CCDC85A: variants seen among roughly 807,000 people sequenced by gnomAD.
The protein encoded by CCDC85A is coiled-coil domain containing 85A.
CCDC85A carries 38 observed loss-of-function variants against 50.2 expected under a neutral mutation model. The ratio of observed to expected loss-of-function variants is 0.76; its 90% confidence interval spans 0.58 to 0.99. The LOEUF (loss-of-function observed/expected upper bound fraction) is 0.99, where lower values mean the gene tolerates loss of function less well. CCDC85A is among the 50% of genes least tolerant of loss of function. The pLI, the probability that CCDC85A is intolerant of heterozygous loss-of-function variation, is 0.00. For missense variants in CCDC85A, 820 were observed against 742.0 expected (o/e 1.11, Z -1.22); for synonymous variants, 366 against 301.4 (o/e 1.21, Z -2.22).
chr2:56,369,266 G>A (rs1001808247), intron 3 of CCDC85A, among the ~76,000 whole-genome samples: 5 of 151,974 alleles, frequency 3.3e-5, no homozygotes, highest in African/African-American at 4.8e-5. Context: ...TGAGCAATAA[G>A]GGAAAGATAA....
chr2:56,192,512 A>G lies in CCDC85A; in HGVS notation c.312A>G (p.Glu104=), dbSNP rs767522406. The part of the protein sequence containing the change: ...INQKLQEDNQ[E]LRDLCCFLDD... ...AGAAACTCCAGGAAGACAACCAGGA[A>G]CTGAGGGACCTCTGCTGTTTCCTGG... Residue 104 remains glutamate (E), a synonymous_variant, in exon 2 of 6, where the codon GAA becomes GAG. Coordinates refer to ENST00000407595, the MANE Select transcript of CCDC85A (RefSeq NM_001080433.2). The surrounding 1 kb of genome is among the most constrained non-coding windows in gnomAD (Gnocchi z 4.7). 6.2e-7 allele frequency: 1 copy of G among 1,613,612 alleles called. No individual in the cohort carries two copies. Among genetic ancestry groups the G allele is most frequent in the South Asian group, 1.1e-5 (1 of 91,042 alleles).
chr2:56,269,600 G>T (rs1670609867), intron 2 of CCDC85A, among the ~76,000 whole-genome samples: 1 of 152,062 alleles, frequency 6.6e-6, no homozygotes, highest in Non-Finnish European at 1.5e-5. Flanking sequence ...CAGAGAAAGG[G>T]TATGGCACTT....
chr2:56,231,171 A>T (rs921768379), intron 2 of CCDC85A, among the ~76,000 whole-genome samples: 1 of 152,216 alleles, frequency 6.6e-6, no homozygotes, highest in Non-Finnish European at 1.5e-5. Flanking sequence ...AACTAGCATG[A>T]CATTCTCTCA....
chr2:56,301,371 C>G (rs1672194973), intron 2 of CCDC85A, among the ~76,000 whole-genome samples: 1 of 152,074 alleles, frequency 6.6e-6, no homozygotes, highest in South Asian at 2.1e-4. Flanking sequence ...TTCTTACCAC[C>G]TGTGACAGAA....
intron 2 of CCDC85A, among the ~76,000 whole-genome samples, chr2:56,315,672 T>TAGTGGCAG: frequency 6.6e-6 from 1 of 152,110 alleles, no homozygotes; most frequent in East Asian, 1.9e-4. Context: ...CAGGCTGATT[T>TAGTGGCAG]AGTCAGTGGG....
chr2:56,216,414 A>T (rs1677395281), intron 2 of CCDC85A, among the ~76,000 whole-genome samples: 1 of 151,782 alleles, frequency 6.6e-6, no homozygotes, highest in Admixed American at 6.6e-5. Context: ...ACTACTTAAA[A>T]TTTTTTGCCA....
Position 56,385,331 on chromosome 2 carries a change from AAAC to A in CCDC85A, c.*977_*979del, listed in dbSNP as rs1413489849. ...TACTGCAGCTATCTAACATTTTATGAAACTGACGCATGTCCTTCATTATTGAGG... is the reference window on the plus strand; with the variant it reads ...TACTGCAGCTATCTAACATTTTATGATGACGCATGTCCTTCATTATTGAGG... On this transcript the variant is annotated 3_prime_UTR_variant, in exon 6 of 6. Coordinates refer to ENST00000407595, the MANE Select transcript of CCDC85A (RefSeq NM_001080433.2). 12 of 152,406 alleles carry A rather than the reference AAAC, an allele frequency of 7.9e-5. No homozygotes were observed. In the East Asian group the frequency reaches 2.3e-3, roughly 30 times the overall value. 9.4% of individuals were successfully genotyped at this position (152,406 alleles called of 1,614,324 possible). A position where few individuals can be genotyped will look rare whatever the true frequency, so the allele number is the denominator to read the frequency against.
At chr2:56,367,759 A>G (rs1185671433) in intron 3 of CCDC85A, among the ~76,000 whole-genome samples, 1 of 152,206 alleles carries the variant, frequency 6.6e-6, no homozygotes, top group East Asian at 1.9e-4. Context: ...ACATAAATTG[A>G]CAAGTTATAA....
chr2:56,297,944 A>T (rs956857703), intron 2 of CCDC85A, among the ~76,000 whole-genome samples: 10 of 152,162 alleles, frequency 6.6e-5, no homozygotes, highest in Admixed American at 3.9e-4. Flanking sequence ...TTGAGACACC[A>T]TGATCTGCCA....
At chr2:56,223,025 C>T in intron 2 of CCDC85A, among the ~76,000 whole-genome samples, 1 of 152,040 alleles carries the variant, frequency 6.6e-6, no homozygotes, top group South Asian at 2.1e-4. Context: ...CGCGTAAGTG[C>T]CAAGGTTTTC....
chr2:56,192,759 A>G lies in CCDC85A; in HGVS notation c.559A>G (p.Ile187Val), dbSNP rs1229512789. The change falls in exon 2 of 6, where the codon ATC (isoleucine) becomes GTC (valine). Residue 187 changes from isoleucine (I) to valine (V), a missense_variant. Coordinates refer to ENST00000407595, the MANE Select transcript of CCDC85A (RefSeq NM_001080433.2). This position sits in a 1 kb window ranked among gnomAD's most constrained non-coding sequence, Gnocchi z 4.7. ...GAGCAGSRCS[I>V]DSQASLCQLT... Reference sequence around the variant, plus strand: ...AGGCTGCGCAGGCAGCCGCTGCTCCATCGACAGCCAGGCCAGCCTGTGCCA... The same window carrying G: ...AGGCTGCGCAGGCAGCCGCTGCTCCGTCGACAGCCAGGCCAGCCTGTGCCA... 3.7e-6 allele frequency: 6 copies of G among 1,612,838 alleles called. No individual in the cohort carries two copies. Among genetic ancestry groups the G allele is most frequent in the Non-Finnish European group, 5.1e-6 (6 of 1,179,590 alleles).
rs545866925 is a variant in CCDC85A, at chr2:56,374,460, A to C, written c.1453-1356A>C. Among the ~76,000 whole-genome samples the C allele has an allele frequency of 3.3e-4, 50 of 152,344 alleles. 1 individual carries two copies. The South Asian group carries it at 7.3e-3, about 22-fold the overall frequency. The stretch of plus-strand genomic sequence containing the variant: ...ATAAAGCATGGTTTACATGTAATCC[A>C]TACCTATAATTGCTGGGTGCAGTTT... On this transcript the variant is annotated intron_variant, in intron 4 of 5. Coordinates refer to ENST00000407595, the MANE Select transcript of CCDC85A (RefSeq NM_001080433.2).
chr2:56,215,554 C>T (rs1422285353), intron 2 of CCDC85A, among the ~76,000 whole-genome samples: 1 of 149,270 alleles, frequency 6.7e-6, no homozygotes, highest in Non-Finnish European at 1.5e-5. Context: ...AGGAAGTTCC[C>T]TTCTATTCCT....
chr2:56,233,537 G>A (rs1315896884), intron 2 of CCDC85A, among the ~76,000 whole-genome samples: 1 of 151,948 alleles, frequency 6.6e-6, no homozygotes, highest in Non-Finnish European at 1.5e-5. Context: ...TAAATGAATG[G>A]GTATGACTGT....
At chr2:56,188,853 C>G (rs1676163859) in intron 1 of CCDC85A, among the ~76,000 whole-genome samples, 1 of 152,220 alleles carries the variant, frequency 6.6e-6, no homozygotes, top group Middle Eastern at 3.2e-3. Context: ...TGAGTGTCCA[C>G]TGTATGCAAG....
intron 2 of CCDC85A, among the ~76,000 whole-genome samples, chr2:56,320,908 C>T (rs1345072002): frequency 6.6e-6 from 1 of 152,002 alleles, no homozygotes; most frequent in Non-Finnish European, 1.5e-5. Flanking sequence ...ACTGGCAAAC[C>T]GAATCCAGCA....
intron 2 of CCDC85A, among the ~76,000 whole-genome samples, chr2:56,322,382 G>T (rs555373434): frequency 6.6e-6 from 1 of 152,216 alleles, no homozygotes; most frequent in Admixed American, 6.5e-5. Context: ...GAAAATTTTT[G>T]CAATCTACTC....
chr2:56,204,244 G>C (rs1321147492), intron 2 of CCDC85A, among the ~76,000 whole-genome samples: 1 of 152,042 alleles, frequency 6.6e-6, no homozygotes, highest in East Asian at 1.9e-4. Context: ...ATTTACTAAA[G>C]GGCAATCTTT....
intron 2 of CCDC85A, among the ~76,000 whole-genome samples, chr2:56,311,730 A>G (rs541530355): frequency 1.3e-5 from 2 of 152,272 alleles, no homozygotes; most frequent in South Asian, 4.1e-4. Context: ...TCCCAAATGT[A>G]GCAATATAAT....
Sources: allele counts gnomAD v4.1 joint callset (sites outside exome capture counted in the v4.1 genomes callset), GRCh38; gene constraint gnomAD v4.1.1; non-coding constraint Gnocchi (gnomAD v3.1); transcripts MANE v1.5; gene names NCBI Gene and HGNC (gene_info 2026-07-23, HGNC 2026-07-21).